FERMT1: variants seen among roughly 807,000 people sequenced by gnomAD.
FERMT1 encodes the protein FERM domain containing kindlin 1, also known as fermitin family homolog 1.
FERMT1 carries 60 observed loss-of-function variants against 85.3 expected under a neutral mutation model. That is an observed-to-expected ratio of 0.70 (90% CI 0.57 to 0.87). The LOEUF is 0.87. Among genes scored for constraint, FERMT1 ranks in the 40% least tolerant of loss-of-function variants. FERMT1 has a pLI of 0.00. For missense variants in FERMT1, 701 were observed against 818.9 expected (o/e 0.86, Z 1.76); for synonymous variants, 275 against 301.1 (o/e 0.91, Z 0.90).
chr20:6,097,901 G>A (rs1391842408), intron 6 of FERMT1, among the ~76,000 whole-genome samples: 19 of 151,528 alleles, frequency 1.3e-4, no homozygotes, highest in Admixed American at 7.2e-4. Context: ...TGCAACGTCC[G>A]CCTCCTGGGT....
In FERMT1 at chr20:6,085,294, C is replaced by G; in HGVS notation, c.1372-7G>C. Reference sequence around the variant, plus strand: ...ATTGGGCGTATTGATTCTCCTGCAGCAAACAGAAGGTTGAGAAGCAAGCTC... The same window carrying G: ...ATTGGGCGTATTGATTCTCCTGCAGGAAACAGAAGGTTGAGAAGCAAGCTC... On this transcript the variant is annotated splice_polypyrimidine_tract_variant and splice_region_variant and intron_variant, in intron 11 of 14. Transcript: ENST00000217289. 5.0e-6 allele frequency: 8 copies of G among 1,612,756 alleles called. No individual in the cohort carries two copies. The highest frequency in any genetic ancestry group is 6.8e-6 in the Non-Finnish European group (8 of 1,179,844).
intron 9 of FERMT1, among the ~76,000 whole-genome samples, chr20:6,094,340 CCTT>C (rs1299984921): frequency 1.3e-5 from 2 of 152,218 alleles, no homozygotes; most frequent in Non-Finnish European, 2.9e-5. Context: ...AAATAAAACT[CCTT>C]CTCTGCCTTT....
intron 9 of FERMT1, among the ~76,000 whole-genome samples, chr20:6,091,157 CGTCT>C (rs931205677): frequency 1.3e-5 from 2 of 151,840 alleles, no homozygotes; most frequent in Non-Finnish European, 2.9e-5. Flanking sequence ...AGCAAGACTT[CGTCT>C]CAAACAAACA....
chr20:6,095,752 C>T (rs1244167842), intron 8 of FERMT1, among the ~76,000 whole-genome samples: 1 of 152,160 alleles, frequency 6.6e-6, no homozygotes, highest in Admixed American at 6.5e-5. Context: ...GACACAGGGC[C>T]CTGCATCTCT....
chr20:6,074,895 T>C lies in FERMT1; in HGVS notation c.*2278A>G, dbSNP rs1468622092. 2 of 152,218 alleles carry C rather than the reference T, an allele frequency of 1.3e-5. No individual in the cohort carries two copies. The highest frequency in any genetic ancestry group is 3.7e-4 in the East Asian group (2 of 5,338). The allele number at this position is 152,218 out of a possible 1,614,324, so 9.4% of individuals were successfully genotyped here. The stretch of plus-strand genomic sequence containing the variant: ...AAAAGTCATATAAAAGAATAAAAAA[T>C]GCAGATTTCTGAATCAACTGTAGAT... On this transcript the variant is annotated 3_prime_UTR_variant, in exon 15 of 15. Coordinates refer to ENST00000217289, the MANE Select transcript of FERMT1 (RefSeq NM_017671.5).
At chr20:6,112,408 G>A (rs1982975436) in intron 4 of FERMT1, 69 bp downstream of exon 4, 5 of 1,415,534 alleles carry the variant, frequency 3.5e-6, no homozygotes, top group Non-Finnish European at 5.0e-6. Flanking sequence ...GGGGGTGGGA[G>A]GAGAGATATA....
chr20:6,108,328 C>T (rs940438226), intron 5 of FERMT1, among the ~76,000 whole-genome samples: 2 of 152,158 alleles, frequency 1.3e-5, no homozygotes, highest in Admixed American at 1.3e-4. Flanking sequence ...ACCTGTATAA[C>T]AAAAAATCAG....
chr20:6,119,551 G>A lies in FERMT1; in HGVS notation c.4C>T (p.Leu2=), dbSNP rs1392360729. Residue 2 remains leucine, a synonymous_variant, in exon 2 of 15, where the codon CTG becomes TTG. Transcript: ENST00000217289. ...GCAAATGTAAAGTCAGTGGATGACAGCATTGTGGCAAATGCTGGTGTCTGC... is the reference window on the plus strand; with the variant it reads ...GCAAATGTAAAGTCAGTGGATGACAACATTGTGGCAAATGCTGGTGTCTGC... M[L]SSTDFTFASW... The A allele has an allele frequency of 6.2e-7, 1 of 1,613,868 alleles. No homozygotes were observed.
At chr20:6,096,006 C>A (rs1198599221) in intron 8 of FERMT1, among the ~76,000 whole-genome samples, 1 of 152,160 alleles carries the variant, frequency 6.6e-6, no homozygotes, top group African/African-American at 2.4e-5. Context: ...GTGAATTAAA[C>A]AGGAGGGGCA....
intron 6 of FERMT1, among the ~76,000 whole-genome samples, 187 bp from the exon 7 acceptor site, chr20:6,097,818 A>G (rs1982551873): frequency 6.7e-6 from 1 of 149,288 alleles, no homozygotes; most frequent in South Asian, 2.1e-4. Context: ...TTTTTTTTTA[A>G]TTTTTTATTT....
intron 2 of FERMT1, 68 bp from the exon 3 acceptor site, chr20:6,116,112 G>C (rs1238739522): frequency 9.1e-7 from 1 of 1,096,792 alleles, no homozygotes; most frequent in East Asian, 2.5e-5. Flanking sequence ...TGGAGCTGCA[G>C]AGTCAATTTC....
In FERMT1 at chr20:6,089,068, T is replaced by G; in HGVS notation, c.1161A>C (p.Lys387Asn). The G allele has an allele frequency of 6.2e-7, 1 of 1,612,520 alleles. No homozygotes were observed. The highest frequency in any genetic ancestry group is 1.1e-5 in the South Asian group (1 of 91,056). ...AGATAAACCAATATTGTTTGAAAGC[T>G]TTTGGTAGTAACTTCTTGGGCCTGC... ...KLFRPKKLLP[K>N]AFKQYWFIFK... Residue 387 changes from lysine to asparagine, a missense_variant, in exon 10 of 15, where the codon AAA becomes AAC. Transcript: ENST00000217289.
chr20:6,088,302 A>T (rs1001206520), intron 10 of FERMT1, among the ~76,000 whole-genome samples: 7 of 152,230 alleles, frequency 4.6e-5, no homozygotes, highest in African/African-American at 1.7e-4. Context: ...ACCTTCAGAA[A>T]TTAGAATAGG....
rs796526476 is a variant in FERMT1, at chr20:6,083,661, C to A, written c.1718+379G>T. ...CTGGGCGGCAAAATGAGACACCCCC[C>A]CCCCCGGCCACCCTCCCCACACCCG... On this transcript the variant is annotated intron_variant, in intron 13 of 14. Coordinates refer to ENST00000217289, the MANE Select transcript of FERMT1 (RefSeq NM_017671.5). Among the ~76,000 whole-genome samples the A allele has an allele frequency of 4.5e-4, 56 of 125,492 alleles. 1 individual carries two copies. In the East Asian group the frequency reaches 4.5e-3, roughly 10 times the overall value. 82.3% of individuals were successfully genotyped at this position (125,492 alleles called of 152,430 possible). A position where few individuals can be genotyped will look rare whatever the true frequency, so the allele number is the denominator to read the frequency against.
chr20:6,116,689 A>G (rs1007119942), intron 2 of FERMT1, among the ~76,000 whole-genome samples: 18 of 150,908 alleles, frequency 1.2e-4, no homozygotes, highest in African/African-American at 3.2e-4. Flanking sequence ...AGGTCACACC[A>G]TTATATTACA....
intron 6 of FERMT1, among the ~76,000 whole-genome samples, chr20:6,102,070 C>G (rs1395225012): frequency 6.6e-6 from 1 of 152,094 alleles, no homozygotes; most frequent in East Asian, 1.9e-4. Context: ...CCCTGTCATG[C>G]AGGGTGTAGT....
Position 6,103,855 on chromosome 20 carries a change from CTATTAT to C in FERMT1, c.849+3671_849+3676del, listed in dbSNP as rs1166082080. Among the ~76,000 whole-genome samples, 697 of 128,600 alleles carry C rather than the reference CTATTAT, an allele frequency of 5.4e-3. 3 individuals carry two copies. The highest frequency in any genetic ancestry group is 0.019 in the African/African-American group (651 of 34,462). 84.4% of individuals were successfully genotyped at this position (128,600 alleles called of 152,430 possible). A position where few individuals can be genotyped will look rare whatever the true frequency, so the allele number is the denominator to read the frequency against. ...TTTCTGGATTCTTCATTTTTTGAGT[CTATTAT>C]TATTATTATTATTTTATTTATTTTT... On this transcript the variant is annotated intron_variant, in intron 6 of 14. Coordinates refer to ENST00000217289, the MANE Select transcript of FERMT1 (RefSeq NM_017671.5).
Position 6,078,724 on chromosome 20 carries a change from G to A in FERMT1, c.1860+712C>T, listed in dbSNP as rs11698692. Among the ~76,000 whole-genome samples, 630 of 150,810 alleles carry A rather than the reference G, an allele frequency of 4.2e-3. 1 individual carries two copies. The highest frequency in any genetic ancestry group is 7.7e-3 in the Non-Finnish European group (522 of 67,828). The stretch of plus-strand genomic sequence containing the variant: ...GCTGGTCTCGAACTCCCAGCCTCAA[G>A]TGATCCTTCCCACCTCGGCCTCCCA... On this transcript the variant is annotated intron_variant, in intron 14 of 14. Transcript: ENST00000217289.
rs6038349 is a variant in FERMT1 at position 6,084,732 on chromosome 20, T to C, written c.1593+334A>G. 5.3e-3 allele frequency among the ~76,000 whole-genome samples: 805 copies of C among 151,952 alleles called. 4 individuals are homozygous for C. Among genetic ancestry groups the C allele is most frequent in the African/African-American group, 0.018 (750 of 41,374 alleles). On this transcript the variant is annotated intron_variant, in intron 12 of 14. Transcript: ENST00000217289. ...TTTCTGAGACACAGTCTTGCTTTGT[T>C]GCCCTGGCTAGAGTGCAGTGGTGCA... is the stretch of plus-strand genomic sequence containing the variant.
Sources: gnomAD v4.1 joint callset for allele counts (sites outside exome capture counted in the v4.1 genomes callset) on GRCh38, gnomAD v4.1.1 for gene constraint, MANE v1.5 for transcripts, NCBI Gene and HGNC (gene_info 2026-07-23, HGNC 2026-07-21) for gene names.